Variants in TTC39C observed in about 807,000 individuals in gnomAD.
TTC39C encodes the protein tetratricopeptide repeat protein 39C.
Under a neutral mutation model 76.3 loss-of-function variants are expected in TTC39C, and 33 were observed. The ratio of observed to expected loss-of-function variants is 0.43; its 90% CI spans 0.33 to 0.58. The LOEUF (loss-of-function observed/expected upper bound fraction) is 0.58, where lower values mean the gene tolerates loss of function less well. Ranked by LOEUF, TTC39C falls within the 20% of genes least tolerant of loss-of-function variation. TTC39C has a pLI of 0.04. For missense variants in TTC39C, 595 were observed against 701.4 expected (o/e 0.85, Z 1.71); for synonymous variants, 254 against 260.6 (o/e 0.97, Z 0.24).
intron 6 of TTC39C, among the ~76,000 whole-genome samples, chr18:24,096,554 G>T (rs916411458): frequency 1.3e-5 from 2 of 152,022 alleles, no homozygotes; most frequent in African/African-American, 4.8e-5. Context: ...CTATCTTACT[G>T]TATTTTCATG....
chr18:24,081,021 C>A, intron 5 of TTC39C, 82 bp downstream of exon 5: 1 of 1,302,108 alleles, frequency 7.7e-7, no homozygotes, highest in Non-Finnish European at 1.0e-6. Context: ...TTAAAGGAAA[C>A]TTCAGGTAAA....
chr18:24,101,761 G>A (rs532387177), intron 6 of TTC39C, among the ~76,000 whole-genome samples: 13 of 152,184 alleles, frequency 8.5e-5, no homozygotes, highest in Non-Finnish European at 1.6e-4. Flanking sequence ...CATTGGAGTT[G>A]TATGGCTGTT....
intron 1 of TTC39C, among the ~76,000 whole-genome samples, chr18:23,995,015 G>A (rs556827496): frequency 1.3e-5 from 2 of 151,986 alleles, no homozygotes; most frequent in East Asian, 1.9e-4. Context: ...ACTTTATCAC[G>A]TGTGTAGGTT....
At chr18:24,027,451 G>T (rs1599250524) in intron 1 of TTC39C, among the ~76,000 whole-genome samples, 3 of 151,950 alleles carry the variant, frequency 2.0e-5, no homozygotes, top group African/African-American at 7.3e-5. Flanking sequence ...GAACAAGAAA[G>T]AACTTGATAT....
chr18:24,021,278 C>A (rs1346530975), intron 1 of TTC39C, among the ~76,000 whole-genome samples: 1 of 152,168 alleles, frequency 6.6e-6, no homozygotes, highest in African/African-American at 2.4e-5. Context: ...TCCTACACAG[C>A]ACCTCTTTCA....
intron 1 of TTC39C, chr18:24,000,423 C>T (rs1227197231): frequency 6.6e-6 from 1 of 152,316 alleles, no homozygotes; most frequent in Non-Finnish European, 1.5e-5. Flanking sequence ...AGATCCTTCA[C>T]TTGCAGCTCT....
intron 8 of TTC39C, among the ~76,000 whole-genome samples, chr18:24,123,037 G>A (rs933493141): frequency 6.6e-6 from 1 of 152,166 alleles, no homozygotes; most frequent in Non-Finnish European, 1.5e-5. Flanking sequence ...TCTTCACATT[G>A]TTGCTGGTGG....
At chr18:24,116,940 C>A (rs2084901465) in intron 7 of TTC39C, among the ~76,000 whole-genome samples, 1 of 151,580 alleles carries the variant, frequency 6.6e-6, no homozygotes, top group Non-Finnish European at 1.5e-5. Flanking sequence ...ATCCTCCCAC[C>A]CCAGTCTCCC....
intron 1 of TTC39C, among the ~76,000 whole-genome samples, chr18:24,056,433 G>A (rs1275168442): frequency 6.6e-6 from 1 of 152,136 alleles, no homozygotes; most frequent in East Asian, 1.9e-4. Context: ...AAAAATTCCA[G>A]CTATTCACTA....
intron 6 of TTC39C, among the ~76,000 whole-genome samples, chr18:24,088,545 G>A (rs1390029844): frequency 6.6e-6 from 1 of 152,188 alleles, no homozygotes; most frequent in Non-Finnish European, 1.5e-5. Flanking sequence ...TCCTGCCCTT[G>A]GAGCCTCATT....
At position 24,091,059 on chromosome 18, in the gene TTC39C, G is replaced by C. The variant is rs117592303; in HGVS notation, c.984+7978G>C. ...TGACCTCAGGTTCTCTGTCCGCCTC[G>C]GCCTCCCGAAGTGCTGGGATTACAG... On this transcript the variant is annotated intron_variant, in intron 6 of 13. Transcript: ENST00000317571. Among the ~76,000 whole-genome samples, 1,344 of 152,164 alleles carry C rather than the reference G, an allele frequency of 8.8e-3. 8 individuals carry two copies. Among genetic ancestry groups the C allele is most frequent in the Middle Eastern group, 0.065 (19 of 292 alleles).
At chr18:24,072,351 T>C (rs1432885105) in intron 4 of TTC39C, among the ~76,000 whole-genome samples, 1 of 151,916 alleles carries the variant, frequency 6.6e-6, no homozygotes, top group Non-Finnish European at 1.5e-5. Context: ...TGGAGTGCAG[T>C]GGCACAATCT....
intron 1 of TTC39C, among the ~76,000 whole-genome samples, chr18:24,040,662 G>A (rs1234043121): frequency 6.6e-6 from 1 of 152,132 alleles, no homozygotes; most frequent in African/African-American, 2.4e-5. Context: ...CTCTCGGTAA[G>A]CATACAGCTT....
intron 6 of TTC39C, among the ~76,000 whole-genome samples, chr18:24,093,546 G>T (rs139818860): frequency 6.6e-6 from 1 of 151,338 alleles, no homozygotes; most frequent in Non-Finnish European, 1.5e-5. Flanking sequence ...CTTTTTCTTC[G>T]GATATAAGCT....
At chr18:24,020,031 C>T (rs1362196249) in intron 1 of TTC39C, 2 of 1,399,994 alleles carry the variant, frequency 1.4e-6, no homozygotes, top group Non-Finnish European at 1.8e-6. Flanking sequence ...CTAGACAAGT[C>T]ATCTGCTCAC....
chr18:24,108,260 T>C (rs922224295), intron 6 of TTC39C, among the ~76,000 whole-genome samples: 8 of 152,316 alleles, frequency 5.3e-5, no homozygotes, highest in Non-Finnish European at 1.2e-4. Flanking sequence ...TGTGAGCTTT[T>C]TGTCACTTAA....
intron 1 of TTC39C, among the ~76,000 whole-genome samples, chr18:24,028,745 T>A (rs897661569): frequency 5.3e-5 from 8 of 152,164 alleles, no homozygotes; most frequent in African/African-American, 1.9e-4. Context: ...TTTTTTGAGA[T>A]GGAGTCTTGC....
intron 1 of TTC39C, among the ~76,000 whole-genome samples, chr18:24,051,869 G>A (rs1223060051): frequency 2.6e-5 from 4 of 152,128 alleles, no homozygotes; most frequent in Admixed American, 1.3e-4. Context: ...GACGTGGTTG[G>A]TTGGTTCACT....
At chr18:24,053,987 T>C (rs548703638) in intron 1 of TTC39C, among the ~76,000 whole-genome samples, 1 of 152,328 alleles carries the variant, frequency 6.6e-6, no homozygotes, top group South Asian at 2.1e-4. Flanking sequence ...AAAGTGGCCT[T>C]TTCCTCCCCT....
Sources: allele counts gnomAD v4.1 joint callset (sites outside exome capture counted in the v4.1 genomes callset), GRCh38; gene constraint gnomAD v4.1.1; transcripts MANE v1.5; gene names NCBI Gene and HGNC (gene_info 2026-07-23, HGNC 2026-07-21).